The following SETBP1 variants were observed in gnomAD, a reference collection of about 807,000 sequenced individuals.
The protein encoded by SETBP1 is SET-binding protein.
In SETBP1, 9 loss-of-function variants were observed where a neutral mutation model predicts 101.0. That is an observed-to-expected ratio of 0.09 (90% CI 0.05 to 0.16). The LOEUF is 0.16. Among genes scored for constraint, SETBP1 ranks in the 10% least tolerant of loss-of-function variants. The pLI, the probability that SETBP1 is intolerant of heterozygous loss-of-function variation, is 1.00. For synonymous variants in SETBP1, 818 were observed against 788.5 expected, an observed-to-expected ratio of 1.04 and a Z score of -0.63; for missense variants, 1,858 against 2,033.8, an observed-to-expected ratio of 0.91 and a Z score of 1.66.
intron 2 of SETBP1, among the ~76,000 whole-genome samples, chr18:44,818,580 A>G (rs1401279779): frequency 6.6e-6 from 1 of 152,070 alleles, no homozygotes; most frequent in Admixed American, 6.6e-5. Flanking sequence ...TCCCCCATCC[A>G]TATTAACTAC....
At chr18:44,911,939 ACC>A (rs1555699023) in intron 3 of SETBP1, among the ~76,000 whole-genome samples, 2 of 123,742 alleles carry the variant, frequency 1.6e-5, no homozygotes. Context: ...GCATACACAC[ACC>A]CACACACACA....
chr18:44,851,915 C>T (rs1490635365), intron 2 of SETBP1, among the ~76,000 whole-genome samples: 2 of 152,214 alleles, frequency 1.3e-5, no homozygotes, highest in African/African-American at 2.4e-5. Context: ...GCTCCTGGAG[C>T]CCACCCTCTT....
chr18:44,766,407 G>A (rs1027228053), intron 2 of SETBP1, among the ~76,000 whole-genome samples: 1 of 152,208 alleles, frequency 6.6e-6, no homozygotes, highest in Admixed American at 6.5e-5. Flanking sequence ...CAACATGGAT[G>A]AGACTTGAGG....
At chr18:44,856,886 C>T (rs1019415553) in intron 2 of SETBP1, among the ~76,000 whole-genome samples, 2 of 152,158 alleles carry the variant, frequency 1.3e-5, no homozygotes, top group African/African-American at 2.4e-5. Context: ...TGATGTTCTT[C>T]TTTCCTGGAG....
At chr18:44,933,547 G>A (rs1475958917) in intron 3 of SETBP1, among the ~76,000 whole-genome samples, 1 of 152,198 alleles carries the variant, frequency 6.6e-6, no homozygotes, top group Non-Finnish European at 1.5e-5. Flanking sequence ...CCTGCCCTCA[G>A]AGGTGGAGTC....
At chr18:45,057,672 C>T (rs950329014) in intron 5 of SETBP1, among the ~76,000 whole-genome samples, 1 of 152,186 alleles carries the variant, frequency 6.6e-6, no homozygotes, top group Admixed American at 6.5e-5. Flanking sequence ...GTTCAGCCTT[C>T]CTCAACATCT....
chr18:44,680,646 C>CT (rs2068743916), upstream of SETBP1, among the ~76,000 whole-genome samples: 1 of 152,144 alleles, frequency 6.6e-6, no homozygotes, highest in South Asian at 2.1e-4. Flanking sequence ...GGCGGCGATG[C>CT]TGGCTCAATT....
chr18:45,059,944 A>G (rs1015965904), intron 5 of SETBP1, among the ~76,000 whole-genome samples: 1 of 151,912 alleles, frequency 6.6e-6, no homozygotes, highest in African/African-American at 2.4e-5. Context: ...GTCACTTTAA[A>G]CCTCCACAAC....
chr18:44,683,008 AGGTGGG>A (rs1211767560), intron 1 of SETBP1, among the ~76,000 whole-genome samples: 2 of 148,998 alleles, frequency 1.3e-5, no homozygotes, highest in African/African-American at 5.0e-5. Flanking sequence ...AACAAACTGG[AGGTGGG>A]GGAGGGGATG....
At chr18:44,933,074 C>A (rs1043664098) in intron 3 of SETBP1, among the ~76,000 whole-genome samples, 22 of 152,180 alleles carry the variant, frequency 1.4e-4, no homozygotes, top group African/African-American at 5.3e-4. Context: ...TTCTCCCCAT[C>A]TTTGTGGTTT....
chr18:44,914,031 C>T lies in SETBP1; in HGVS notation c.541-35850C>T, dbSNP rs575686894. Among the ~76,000 whole-genome samples, 7 of 152,306 alleles carry T rather than the reference C, an allele frequency of 4.6e-5. No individual in the cohort carries two copies. In the South Asian group the frequency reaches 1.0e-3, roughly 23 times the overall value. ...CTCAGACCTGGTCTGTCAGTGTCCA[C>T]GGCTTTTGTCCTTAGCTGGGGGACA... On this transcript the variant is annotated intron_variant, in intron 3 of 5. Transcript: ENST00000649279.
At chr18:44,729,507 T>G (rs1383568209) in intron 2 of SETBP1, among the ~76,000 whole-genome samples, 1 of 152,220 alleles carries the variant, frequency 6.6e-6, no homozygotes, top group Non-Finnish European at 1.5e-5. Context: ...TTAAGATATC[T>G]CCTAGGTAAA....
At chr18:44,995,990 T>G (rs551246619) in intron 4 of SETBP1, among the ~76,000 whole-genome samples, 1 of 152,334 alleles carries the variant, frequency 6.6e-6, no homozygotes, top group East Asian at 1.9e-4. Flanking sequence ...GAACTGATAT[T>G]TTTTAGGAAA....
intron 3 of SETBP1, among the ~76,000 whole-genome samples, chr18:44,895,041 G>T (rs1236712441): frequency 2.0e-5 from 3 of 149,418 alleles, no homozygotes; most frequent in Non-Finnish European, 4.4e-5. Context: ...TTGAGCCCAG[G>T]AATTCAAGGT....
intron 2 of SETBP1, among the ~76,000 whole-genome samples, chr18:44,775,301 A>T (rs1024119002): frequency 2.0e-5 from 3 of 152,218 alleles, no homozygotes; most frequent in Non-Finnish European, 4.4e-5. Flanking sequence ...TGGGAGAGAC[A>T]GTTAACTCAG....
At chr18:44,857,748 G>T (rs1364687793) in intron 2 of SETBP1, among the ~76,000 whole-genome samples, 1 of 152,118 alleles carries the variant, frequency 6.6e-6, no homozygotes, top group Non-Finnish European at 1.5e-5. Flanking sequence ...GCCAAAAATG[G>T]GTAGACTGTG....
Position 45,063,705 on chromosome 18 carries a change from T to A in SETBP1, c.*7T>A. On this transcript the variant is annotated 3_prime_UTR_variant, in exon 6 of 6. Transcript: ENST00000649279. ...GAGCGAGGTCCTTCCCTAGGGCGGG[T>A]CTGGGCGTCTGCACCTGGGGCCTAG... 1 of 1,602,022 alleles carries A rather than the reference T, an allele frequency of 6.2e-7. No individual in the cohort carries two copies. Among genetic ancestry groups the A allele is most frequent in the Non-Finnish European group, 8.5e-7 (1 of 1,174,814 alleles).
intron 4 of SETBP1, among the ~76,000 whole-genome samples, chr18:45,034,420 T>G (rs145279980): frequency 1.5e-4 from 23 of 152,182 alleles, no homozygotes; most frequent in African/African-American, 5.5e-4. Context: ...AAGTCCCTAA[T>G]GCAAACACGG....
intron 1 of SETBP1, among the ~76,000 whole-genome samples, chr18:44,689,519 C>T (rs2068894278): frequency 6.6e-6 from 1 of 152,194 alleles, no homozygotes; most frequent in South Asian, 2.1e-4. Flanking sequence ...TGTGACCAGA[C>T]TCTGATGGGT....
Sources: gnomAD v4.1 joint callset for allele counts (sites outside exome capture counted in the v4.1 genomes callset) on GRCh38, gnomAD v4.1.1 for gene constraint, MANE v1.5 for transcripts, NCBI Gene and HGNC (gene_info 2026-07-23, HGNC 2026-07-21) for gene names.